The following SEC61A2 variants were observed in gnomAD, a reference collection of about 807,000 sequenced individuals.
SEC61A2 encodes the protein SEC61 translocon subunit alpha 2.
Under a neutral mutation model 59.9 loss-of-function variants are expected in SEC61A2, and 28 were observed. The observed-to-expected ratio is 0.47, with a 90% CI of 0.35 to 0.64. The LOEUF (loss-of-function observed/expected upper bound fraction) is 0.64, where lower values mean the gene tolerates loss of function less well. SEC61A2 is among the 30% of genes least tolerant of loss of function. The pLI is 0.01. For missense variants in SEC61A2, 340 were observed against 585.9 expected, an observed-to-expected ratio of 0.58 and a Z score of 4.33; for synonymous variants, 202 against 214.4, an observed-to-expected ratio of 0.94 and a Z score of 0.50.
chr10:12,141,915 G>C (rs750441418), intron 3 of SEC61A2, among the ~76,000 whole-genome samples: 1 of 152,146 alleles, frequency 6.6e-6, no homozygotes, highest in Non-Finnish European at 1.5e-5. Context: ...ATGAATGAGG[G>C]AGACAAATCC....
chr10:12,148,239 ATTTT>A (rs66965878), intron 4 of SEC61A2, among the ~76,000 whole-genome samples: 8 of 97,378 alleles, frequency 8.2e-5, no homozygotes, highest in Admixed American at 2.3e-4. Context: ...ATGCCCGGCC[ATTTT>A]TTTTTTTTTT....
intron 1 of SEC61A2, among the ~76,000 whole-genome samples, chr10:12,132,155 G>A (rs1037948069): frequency 3.3e-5 from 5 of 150,990 alleles, no homozygotes; most frequent in Non-Finnish European, 7.4e-5. Flanking sequence ...ATAAAAATTA[G>A]CCAGGCATGG....
chr10:12,140,070 GAAGTA>G (rs1484826617), intron 3 of SEC61A2, among the ~76,000 whole-genome samples: 1 of 152,088 alleles, frequency 6.6e-6, no homozygotes, highest in Non-Finnish European at 1.5e-5. Context: ...TTTTGTAGCA[GAAGTA>G]AAGAATTGCA....
chr10:12,156,763 C>A lies in SEC61A2; in HGVS notation c.617-144C>A. ...TCTAAATATTTGTAGAACCTGCTCA[C>A]ATGGCTATATCATAAAGCAAACATT... On this transcript the variant is annotated intron_variant, in intron 7 of 11. Coordinates refer to ENST00000298428, the MANE Select transcript of SEC61A2 (RefSeq NM_018144.4). This position sits in a 1 kb window ranked among gnomAD's most constrained non-coding sequence, Gnocchi z 5.2. 1 of 680,138 alleles carries A rather than the reference C, an allele frequency of 1.5e-6. No individual in the cohort carries two copies. Among genetic ancestry groups the A allele is most frequent in the Non-Finnish European group, 2.5e-6 (1 of 403,966 alleles). 42.1% of individuals were successfully genotyped at this position (680,138 alleles called of 1,614,324 possible). A position where few individuals can be genotyped will look rare whatever the true frequency, so the allele number is the denominator to read the frequency against.
chr10:12,151,880 C>T (rs561435924), intron 6 of SEC61A2, among the ~76,000 whole-genome samples: 1 of 151,926 alleles, frequency 6.6e-6, no homozygotes, highest in South Asian at 2.1e-4. Flanking sequence ...TCAAGCGATT[C>T]TCCTGCCTCA....
chr10:12,157,493 G>A (rs1488444957), intron 8 of SEC61A2, among the ~76,000 whole-genome samples: 3 of 132,712 alleles, frequency 2.3e-5, no homozygotes, highest in South Asian at 2.5e-4. Context: ...GTGCCACCAC[G>A]CCCGGCTAAT....
chr10:12,163,312 C>CTT (rs3060465), intron 11 of SEC61A2, among the ~76,000 whole-genome samples: 2 of 68,580 alleles, frequency 2.9e-5, no homozygotes, highest in African/African-American at 6.3e-5. Flanking sequence ...GGCCAGCTAG[C>CTT]TTTTTTTTTT....
chr10:12,157,089 A>C (rs1402504878), intron 8 of SEC61A2, 22 bp downstream of exon 8: 1 of 1,602,802 alleles, frequency 6.2e-7, no homozygotes, highest in Non-Finnish European at 8.5e-7. Flanking sequence ...CTTTTCACCA[A>C]AGTAAGTGGG....
chr10:12,160,863 A>G lies in SEC61A2; in HGVS notation c.976-67A>G. The G allele has an allele frequency of 7.6e-7, 1 of 1,323,180 alleles. No individual in the cohort carries two copies. Among genetic ancestry groups the G allele is most frequent in the Admixed American group, 2.2e-5 (1 of 46,098 alleles). The allele number at this position is 1,323,180 out of a possible 1,614,324, so 82.0% of individuals were successfully genotyped here. A position where few individuals can be genotyped will look rare whatever the true frequency, so the allele number is the denominator to read the frequency against. On this transcript the variant is annotated intron_variant, in intron 9 of 11. Coordinates refer to ENST00000298428, the MANE Select transcript of SEC61A2 (RefSeq NM_018144.4). This position sits in a 1 kb window ranked among gnomAD's most constrained non-coding sequence, Gnocchi z 4.1. ...ACACTGTCATTTCTGAGAAGTTTGA[A>G]GTGACATGCAAATGTATTCCTGACT...
chr10:12,139,328 C>G (rs1833956766), intron 3 of SEC61A2, among the ~76,000 whole-genome samples: 1 of 151,624 alleles, frequency 6.6e-6, no homozygotes, highest in Non-Finnish European at 1.5e-5. Flanking sequence ...GCATCCTGGT[C>G]TACTTTTAGT....
In SEC61A2 at chr10:12,165,312, A is replaced by G. The variant is rs964698270; in HGVS notation, c.*858A>G. ...GGAATTTGTGTCTGTTGTTGTACTC[A>G]CAGCAGCAACATGAGTGTAAACAGT... On this transcript the variant is annotated 3_prime_UTR_variant, in exon 12 of 12. Coordinates refer to ENST00000298428, the MANE Select transcript of SEC61A2 (RefSeq NM_018144.4). The G allele has an allele frequency of 1.0e-5, 10 of 984,714 alleles. No homozygotes were observed. Among genetic ancestry groups the G allele is most frequent in the Non-Finnish European group, 1.2e-5 (10 of 829,390 alleles). 61.0% of individuals were successfully genotyped at this position (984,714 alleles called of 1,614,324 possible).
chr10:12,168,027 A>ATTTTT, downstream of SEC61A2: 1 of 615,710 alleles, frequency 1.6e-6, no homozygotes, highest in Non-Finnish European at 2.3e-6. This position sits in a 1 kb window ranked among gnomAD's most constrained non-coding sequence, Gnocchi z 4.8. Context: ...AGGGATAATG[A>ATTTTT]TTTTTTTTTT....
chr10:12,158,405 C>A lies in SEC61A2; in HGVS notation c.975+300C>A. 1 of 347,858 alleles carries A rather than the reference C, an allele frequency of 2.9e-6. No homozygotes were observed. The highest frequency in any genetic ancestry group is 2.7e-5 in the South Asian group (1 of 36,626). The allele number at this position is 347,858 out of a possible 1,614,324, so 21.5% of individuals were successfully genotyped here. On this transcript the variant is annotated intron_variant, in intron 9 of 11. Coordinates refer to ENST00000298428, the MANE Select transcript of SEC61A2 (RefSeq NM_018144.4). The surrounding 1 kb of genome is among the most constrained non-coding windows in gnomAD (Gnocchi z 5.7). The stretch of plus-strand genomic sequence containing the variant: ...TAATTTCCTATTTTGTCATCTTATT[C>A]CAGTATTGTCTACAATAATGCTTTC...
chr10:12,150,838 A>G (rs10795938), intron 6 of SEC61A2, among the ~76,000 whole-genome samples: 149,747 of 151,608 alleles, frequency 0.99, 73,987 homozygotes, highest in Middle Eastern at 1. Flanking sequence ...GCAGTGGCAC[A>G]ATCTCAGCTC....
At chr10:12,151,741 A>T (rs572699367) in intron 6 of SEC61A2, among the ~76,000 whole-genome samples, 1 of 152,234 alleles carries the variant, frequency 6.6e-6, no homozygotes, top group Non-Finnish European at 1.5e-5. Context: ...ATGGTTGAGC[A>T]TTCTGGTTTT....
intron 2 of SEC61A2, among the ~76,000 whole-genome samples, chr10:12,134,817 C>T (rs972734552): frequency 1.1e-4 from 17 of 151,840 alleles, no homozygotes; most frequent in Middle Eastern, 3.4e-3. Context: ...TCTCGGGAGG[C>T]TGAGGCAGGA....
chr10:12,147,906 T>C (rs2131665292), intron 4 of SEC61A2, among the ~76,000 whole-genome samples: 1 of 152,144 alleles, frequency 6.6e-6, no homozygotes, highest in Admixed American at 6.5e-5. Context: ...ATAATAAATT[T>C]TGGTGATCTA....
chr10:12,157,887 A>T (rs781734554), intron 8 of SEC61A2, 21 bp from the exon 9 acceptor site: 1 of 1,610,844 alleles, frequency 6.2e-7, no homozygotes, highest in South Asian at 1.1e-5. Context: ...TCCCCCACTT[A>T]CTCTCCGTTT....
chr10:12,162,168 T>G lies in SEC61A2; in HGVS notation c.1168-45T>G, dbSNP rs760265097. 1 of 1,501,458 alleles carries G rather than the reference T, an allele frequency of 6.7e-7. No homozygotes were observed. The highest frequency in any genetic ancestry group is 9.3e-7 in the Non-Finnish European group (1 of 1,078,094). 93.0% of individuals were successfully genotyped at this position (1,501,458 alleles called of 1,614,324 possible). A position where few individuals can be genotyped will look rare whatever the true frequency, so the allele number is the denominator to read the frequency against. ...CATAGAACGTGGTAGATGTAAGCAGTGAAATGTTCCAGTTGGATTTTGAAA... is the reference window on the plus strand; with the variant it reads ...CATAGAACGTGGTAGATGTAAGCAGGGAAATGTTCCAGTTGGATTTTGAAA... On this transcript the variant is annotated intron_variant, in intron 10 of 11. Transcript: ENST00000298428. The surrounding 1 kb of genome is among the most constrained non-coding windows in gnomAD (Gnocchi z 6.1).
Sources: gnomAD v4.1 joint callset for allele counts (sites outside exome capture counted in the v4.1 genomes callset) on GRCh38, gnomAD v4.1.1 for gene constraint, Gnocchi (gnomAD v3.1) non-coding constraint, MANE v1.5 for transcripts, NCBI Gene and HGNC (gene_info 2026-07-23, HGNC 2026-07-21) for gene names.